SDR42E2: variants seen among roughly 807,000 people sequenced by gnomAD.
The protein encoded by SDR42E2 is putative short-chain dehydrogenase/reductase family 42E member 2.
SDR42E2 carries 20 observed loss-of-function variants against 10.5 expected under a neutral mutation model. That is an observed-to-expected ratio of 1.90 (90% CI 1.34 to 2.77). SDR42E2 has a LOEUF of 2.77. SDR42E2 is among the 30% of genes most tolerant of loss of function. SDR42E2 has a pLI of 0.00. For synonymous variants in SDR42E2, 72 were observed against 39.2 expected (o/e 1.84, Z -3.12); for missense variants, 162 against 104.2 (o/e 1.55, Z -2.42).
chr16:22,190,570 C>A lies in SDR42E2; in HGVS notation c.*177C>A. 1 of 398,214 alleles carries A rather than the reference C, an allele frequency of 2.5e-6. No individual in the cohort carries two copies. Among genetic ancestry groups the A allele is most frequent in the East Asian group, 3.6e-5 (1 of 27,956 alleles). The allele number at this position is 398,214 out of a possible 1,614,324, so 24.7% of individuals were successfully genotyped here. On this transcript the variant is annotated 3_prime_UTR_variant, in exon 13 of 13. Transcript: ENST00000602312. ...CTCCAGACCTAGCCCGGACCGCCGA[C>A]TTCTGGCCACGCCCCTATCTACTCC...
chr16:22,175,799 C>G (rs1407056567), intron 7 of SDR42E2, among the ~76,000 whole-genome samples: 1 of 151,970 alleles, frequency 6.6e-6, no homozygotes, highest in Non-Finnish European at 1.5e-5. Context: ...TCAAGACCAG[C>G]CTGGCCAACA....
chr16:22,171,738 C>T (rs1307396224), intron 6 of SDR42E2, among the ~76,000 whole-genome samples: 1 of 152,050 alleles, frequency 6.6e-6, no homozygotes, highest in African/African-American at 2.4e-5. Flanking sequence ...CATTGAGTTG[C>T]CCAGGCTGGT....
At chr16:22,166,004 C>CGGGACCTGGTCTAGGAGGTGGGTT in intron 2 of SDR42E2, among the ~76,000 whole-genome samples, 1 of 151,934 alleles carries the variant, frequency 6.6e-6, no homozygotes. Context: ...GGAGCTGGGT[C>CGGGACCTGGTCTAGGAGGTGGGTT]GGGACCTGGT....
intron 9 of SDR42E2, 146 bp downstream of exon 9, chr16:22,181,802 G>A: frequency 1.6e-6 from 1 of 606,522 alleles, no homozygotes; most frequent in East Asian, 2.7e-5. Flanking sequence ...GAGCTTGGGG[G>A]AAGCAGGTAG....
At chr16:22,180,214 A>G (rs1487336708) in intron 8 of SDR42E2, among the ~76,000 whole-genome samples, 1 of 152,168 alleles carries the variant, frequency 6.6e-6, no homozygotes, top group Non-Finnish European at 1.5e-5. Context: ...TGAGCCGTGG[A>G]ACAACATGGT....
In SDR42E2 at chr16:22,190,011, G is replaced by A. The variant is rs369488452; in HGVS notation, c.1015-128G>A. ...CGCAGGAGCAAGACGCTGCACTCGG[G>A]TCCTTTTAAATCACTATGTAATGGA... On this transcript the variant is annotated intron_variant, in intron 12 of 12. Coordinates refer to ENST00000602312, the MANE Select transcript of SDR42E2 (RefSeq NM_001394319.2). 717 of 399,810 alleles carry A rather than the reference G, an allele frequency of 1.8e-3. 26 individuals are homozygous for A. In the South Asian group the frequency reaches 0.085, roughly 48 times the overall value. The allele number at this position is 399,810 out of a possible 1,614,324, so 24.8% of individuals were successfully genotyped here. A position where few individuals can be genotyped will look rare whatever the true frequency, so the allele number is the denominator to read the frequency against.
At chr16:22,187,432 C>T (rs1367427679) in intron 12 of SDR42E2, among the ~76,000 whole-genome samples, 1 of 151,912 alleles carries the variant, frequency 6.6e-6, no homozygotes, top group Non-Finnish European at 1.5e-5. Context: ...GCCTGGGCAA[C>T]ATAGCAAGAC....
chr16:22,187,878 C>G (rs2142083882), intron 12 of SDR42E2, among the ~76,000 whole-genome samples: 1 of 151,646 alleles, frequency 6.6e-6, no homozygotes, highest in South Asian at 2.1e-4. Flanking sequence ...GGTGGATAAC[C>G]TGAGGTCAGG....
At chr16:22,178,755 G>C (rs2046667391) in intron 8 of SDR42E2, among the ~76,000 whole-genome samples, 1 of 152,158 alleles carries the variant, frequency 6.6e-6, no homozygotes, top group Non-Finnish European at 1.5e-5. Context: ...TGATGTCTGT[G>C]TTGTTTGAAA....
At chr16:22,180,735 G>C (rs2046685604) in intron 8 of SDR42E2, among the ~76,000 whole-genome samples, 1 of 152,038 alleles carries the variant, frequency 6.6e-6, no homozygotes, top group African/African-American at 2.4e-5. Flanking sequence ...GGCCCGGCAT[G>C]GTGGCTCACA....
intron 7 of SDR42E2, 42 bp downstream of exon 7, chr16:22,172,373 C>A: frequency 1.4e-6 from 1 of 703,442 alleles, no homozygotes; most frequent in Non-Finnish European, 2.6e-6. Context: ...TGCACCTGCC[C>A]ACTGCTGCCT....
intron 10 of SDR42E2, among the ~76,000 whole-genome samples, chr16:22,183,754 ATAGACAGATG>A (rs1354473828): frequency 1.3e-5 from 2 of 152,184 alleles, no homozygotes; most frequent in Admixed American, 6.5e-5. Flanking sequence ...GTCTCTAGGT[ATAGACAGATG>A]TAGGTGATAA....
intron 4 of SDR42E2, among the ~76,000 whole-genome samples, chr16:22,167,239 G>A (rs2046551831): frequency 2.3e-5 from 3 of 128,358 alleles, no homozygotes; most frequent in Non-Finnish European, 4.7e-5. Context: ...AGGCTGGAGT[G>A]CAGTGGCACA....
chr16:22,180,649 T>C (rs1385299896), intron 8 of SDR42E2, among the ~76,000 whole-genome samples: 1 of 152,086 alleles, frequency 6.6e-6, no homozygotes. Context: ...GCTGCAGTGA[T>C]TGCACCACTG....
chr16:22,163,033 G>T (rs540307273), intron 1 of SDR42E2, among the ~76,000 whole-genome samples: 1 of 152,288 alleles, frequency 6.6e-6, no homozygotes, highest in East Asian at 1.9e-4. Context: ...TCCAGGGAAT[G>T]AAATCCTCCT....
chr16:22,179,686 AC>A (rs2046676043), intron 8 of SDR42E2, among the ~76,000 whole-genome samples: 1 of 151,852 alleles, frequency 6.6e-6, no homozygotes, highest in African/African-American at 2.4e-5. Context: ...GGTGGTGGGC[AC>A]CTGTAATCCC....
At chr16:22,165,383 G>C (rs573557799) in intron 1 of SDR42E2, among the ~76,000 whole-genome samples, 164 bp from the exon 2 acceptor site, 3 of 152,178 alleles carry the variant, frequency 2.0e-5, no homozygotes, top group Admixed American at 2.0e-4. Flanking sequence ...CCACCACGCC[G>C]GGCCCACACT....
At chr16:22,182,013 G>T (rs912272036) in intron 9 of SDR42E2, among the ~76,000 whole-genome samples, 199 bp from the exon 10 acceptor site, 2 of 152,162 alleles carry the variant, frequency 1.3e-5, no homozygotes, top group African/African-American at 4.8e-5. Flanking sequence ...GTACAGAGAG[G>T]TTAAGCAACT....
At chr16:22,183,327 A>G (rs2046711437) in intron 10 of SDR42E2, among the ~76,000 whole-genome samples, 1 of 152,094 alleles carries the variant, frequency 6.6e-6, no homozygotes, top group African/African-American at 2.4e-5. Context: ...TTTAGTAGAG[A>G]CAGGGTTTCA....
Sources: gnomAD v4.1 joint callset for allele counts (sites outside exome capture counted in the v4.1 genomes callset) on GRCh38, gnomAD v4.1.1 for gene constraint, MANE v1.5 for transcripts, NCBI Gene and HGNC (gene_info 2026-07-23, HGNC 2026-07-21) for gene names.